The following RIPK1 variants were observed in gnomAD, a reference collection of about 807,000 sequenced individuals.
RIPK1 encodes the protein receptor-interacting serine/threonine-protein kinase 1.
In RIPK1, 27 loss-of-function variants were observed where a neutral mutation model predicts 62.4. The observed-to-expected ratio is 0.43, with a 90% CI of 0.32 to 0.60. RIPK1 has a LOEUF of 0.60. Ranked by LOEUF, RIPK1 falls within the 20% of genes least tolerant of loss-of-function variation. The pLI is 0.07. For synonymous variants in RIPK1, 287 were observed against 303.2 expected, an observed-to-expected ratio of 0.95 and a Z score of 0.55; for missense variants, 735 against 831.0, an observed-to-expected ratio of 0.88 and a Z score of 1.42.
intron 8 of RIPK1, among the ~76,000 whole-genome samples, chr6:3,104,807 G>C (rs566354677): frequency 2.6e-5 from 4 of 152,094 alleles, no homozygotes; most frequent in African/African-American, 9.6e-5. Flanking sequence ...CCTCTCATAG[G>C]GCTCTTCAAG....
Position 3,083,224 on chromosome 6 carries a change from A to G in RIPK1, c.599A>G (p.Asp200Gly). ...LYYMAPEHLN[D>G]VNAKPTEKSD... ...TACATGGCGCCCGAGCACCTGAATG[A>G]CGTCAACGCAAAGCCCACAGAGAAG... The change falls in exon 5 of 11, where the codon GAC becomes GGC. Residue 200 changes from aspartate to glycine, a missense_variant. Coordinates refer to ENST00000259808, the MANE Select transcript of RIPK1 (RefSeq NM_001354930.2). The G allele has an allele frequency of 6.2e-7, 1 of 1,614,002 alleles. No homozygotes were observed. The highest frequency in any genetic ancestry group is 8.5e-7 in the Non-Finnish European group (1 of 1,179,982).
chr6:3,079,611 G>T (rs1033604355), intron 3 of RIPK1, among the ~76,000 whole-genome samples: 2 of 152,194 alleles, frequency 1.3e-5, no homozygotes, highest in Non-Finnish European at 2.9e-5. Context: ...GTATGGGGAG[G>T]GGTGGCGGGA....
chr6:3,104,600 A>G (rs545182675), intron 8 of RIPK1, among the ~76,000 whole-genome samples: 2 of 152,304 alleles, frequency 1.3e-5, no homozygotes, highest in Non-Finnish European at 2.9e-5. Flanking sequence ...ATGTGAGAGC[A>G]AAGTCCCTGA....
At chr6:3,097,199 G>C (rs1344816314) in intron 7 of RIPK1, among the ~76,000 whole-genome samples, 1 of 152,128 alleles carries the variant, frequency 6.6e-6, no homozygotes, top group Non-Finnish European at 1.5e-5. Flanking sequence ...TTTTGTGTGT[G>C]TGTGGCAAGT....
intron 7 of RIPK1, among the ~76,000 whole-genome samples, chr6:3,098,630 G>A (rs1404100408): frequency 6.6e-6 from 1 of 152,156 alleles, no homozygotes; most frequent in Admixed American, 6.5e-5. Flanking sequence ...TGACTCTTAA[G>A]TTACACAAAA....
intron 6 of RIPK1, 41 bp from the exon 7 acceptor site, chr6:3,089,540 G>A (rs1248256951): frequency 1.0e-6 from 1 of 955,052 alleles, no homozygotes; most frequent in Non-Finnish European, 1.7e-6. Flanking sequence ...TTTTATGTTA[G>A]AAAATAATTA....
At chr6:3,079,160 A>G (rs1417010918) in intron 3 of RIPK1, among the ~76,000 whole-genome samples, 1 of 151,474 alleles carries the variant, frequency 6.6e-6, no homozygotes, top group Non-Finnish European at 1.5e-5. Context: ...GCTCACTGCA[A>G]CCTCCACCTC....
intron 3 of RIPK1, among the ~76,000 whole-genome samples, chr6:3,078,474 T>C (rs1288571929): frequency 6.6e-6 from 1 of 152,372 alleles, no homozygotes; most frequent in Non-Finnish European, 1.5e-5. Context: ...GTCTTAGGAA[T>C]GTGATTGGCT....
At chr6:3,078,666 G>C (rs538462235) in intron 3 of RIPK1, among the ~76,000 whole-genome samples, 39 of 152,350 alleles carry the variant, frequency 2.6e-4, no homozygotes, top group Non-Finnish European at 5.6e-4. Context: ...GTTGCACTTT[G>C]ATACCATTCA....
Position 3,077,995 on chromosome 6 carries a change from G to A in RIPK1, c.321+60G>A. ...GCTTGGGCCCTGGCTGTCTGTTATG[G>A]CTCCCCTTGGGGTGTTTGTTTGCAG... On this transcript the variant is annotated intron_variant, in intron 3 of 10. Transcript: ENST00000259808. The A allele has an allele frequency of 1.9e-6, 3 of 1,564,654 alleles. No homozygotes were observed. The South Asian group carries it at 3.4e-5, about 18-fold the overall frequency.
intron 10 of RIPK1, among the ~76,000 whole-genome samples, chr6:3,112,051 C>A (rs986075175): frequency 2.6e-5 from 4 of 151,866 alleles, no homozygotes; most frequent in Non-Finnish European, 4.4e-5. Context: ...CATTTGTTTC[C>A]TTTTATTATT....
chr6:3,075,419 A>G (rs1758998528), intron 1 of RIPK1, among the ~76,000 whole-genome samples: 2 of 152,212 alleles, frequency 1.3e-5, no homozygotes, highest in Admixed American at 6.5e-5. Flanking sequence ...GACATTCTCC[A>G]AATTCTACTC....
At chr6:3,068,726 C>T (rs1758516554) in intron 1 of RIPK1, 65 bp downstream of exon 1, 1 of 957,270 alleles carries the variant, frequency 1.0e-6, no homozygotes, top group Non-Finnish European at 1.2e-6. Flanking sequence ...CGGTGACCCC[C>T]CTGGTCGGGG....
At chr6:3,073,624 T>C (rs1758883696) in intron 1 of RIPK1, among the ~76,000 whole-genome samples, 2 of 152,054 alleles carry the variant, frequency 1.3e-5, no homozygotes, top group South Asian at 2.1e-4. Context: ...TGTTTGGTAA[T>C]GTCTTATGTC....
chr6:3,098,860 C>G (rs7763416), intron 7 of RIPK1, among the ~76,000 whole-genome samples: 23,083 of 152,212 alleles, frequency 0.15, 4,602 homozygotes, highest in African/African-American at 0.46. Flanking sequence ...CTCTGGCAGC[C>G]GGGAGCACTG....
chr6:3,105,115 G>A lies in RIPK1; in HGVS notation c.1007-367G>A, dbSNP rs971981756. Among the ~76,000 whole-genome samples, 4 of 152,158 alleles carry A rather than the reference G, an allele frequency of 2.6e-5. No individual in the cohort carries two copies. The highest frequency in any genetic ancestry group is 6.5e-5 in the Admixed American group (1 of 15,278). On this transcript the variant is annotated intron_variant, in intron 8 of 10. Coordinates refer to ENST00000259808, the MANE Select transcript of RIPK1 (RefSeq NM_001354930.2). The surrounding 1 kb of genome is among the most constrained non-coding windows in gnomAD (Gnocchi z 4.5). The stretch of plus-strand genomic sequence containing the variant: ...GATCCGTCCGCCTCAGCCTCCCAAC[G>A]TGCTAGGATTACAGGCGTGAGCCAC...
chr6:3,102,202 T>C (rs190364280), intron 7 of RIPK1, among the ~76,000 whole-genome samples: 29 of 152,280 alleles, frequency 1.9e-4, no homozygotes, highest in Non-Finnish European at 4.0e-4. Context: ...TTCAAAATCC[T>C]CCAAAATCTG....
At chr6:3,073,707 T>A (rs1404617485) in intron 1 of RIPK1, among the ~76,000 whole-genome samples, 2 of 152,202 alleles carry the variant, frequency 1.3e-5, no homozygotes, top group East Asian at 3.8e-4. Flanking sequence ...AGCCTTTAGA[T>A]GAGGTGTAGA....
intron 7 of RIPK1, among the ~76,000 whole-genome samples, chr6:3,095,844 G>T: frequency 7.6e-6 from 1 of 131,878 alleles, no homozygotes; most frequent in African/African-American, 2.7e-5. Context: ...AATGTTAACA[G>T]CCTTTTTTTT....
Sources: allele counts gnomAD v4.1 joint callset (sites outside exome capture counted in the v4.1 genomes callset), GRCh38; gene constraint gnomAD v4.1.1; non-coding constraint Gnocchi (gnomAD v3.1); transcripts MANE v1.5; gene names NCBI Gene and HGNC (gene_info 2026-07-23, HGNC 2026-07-21).